Variants in KATNIP observed in about 807,000 individuals in gnomAD.
KATNIP encodes the protein katanin interacting protein.
A neutral mutation model predicts 174.0 loss-of-function variants in KATNIP; 126 were observed. That is an observed-to-expected ratio of 0.72 (90% CI 0.63 to 0.84). The LOEUF (loss-of-function observed/expected upper bound fraction) is 0.84, where lower values mean the gene tolerates loss of function less well. Ranked by LOEUF, KATNIP falls within the 40% of genes least tolerant of loss-of-function variation. The pLI is 0.00. For missense variants in KATNIP, 1,958 were observed against 2,109.7 expected (o/e 0.93, Z 1.41); for synonymous variants, 810 against 835.7 (o/e 0.97, Z 0.53).
At chr16:27,659,049 GAGC>G (rs2142449626) in intron 6 of KATNIP, among the ~76,000 whole-genome samples, 1 of 152,036 alleles carries the variant, frequency 6.6e-6, no homozygotes, top group African/African-American at 2.4e-5. Flanking sequence ...TTACAGGCGT[GAGC>G]CACCATGCCT....
In KATNIP at chr16:27,660,280, G is replaced by A. The variant is rs192201361; in HGVS notation, c.540+11545G>A. ...CAAAATCCGTGGATTGGCCGGCAGT[G>A]GCTCACGCCTGTTATCCCAGCATTT... On this transcript the variant is annotated intron_variant, in intron 6 of 27. Transcript: ENST00000261588. Among the ~76,000 whole-genome samples, 28 of 152,322 alleles carry A rather than the reference G, an allele frequency of 1.8e-4. No homozygotes were observed. In the East Asian group the frequency reaches 5.0e-3, roughly 27 times the overall value.
intron 12 of KATNIP, among the ~76,000 whole-genome samples, chr16:27,706,064 T>A (rs762746438): frequency 1.3e-4 from 20 of 152,092 alleles, no homozygotes; most frequent in Non-Finnish European, 2.6e-4. Context: ...CTCTTCTCAT[T>A]GAAAATGACA....
intron 13 of KATNIP, among the ~76,000 whole-genome samples, chr16:27,712,201 C>A (rs867705340): frequency 6.6e-6 from 1 of 152,150 alleles, no homozygotes; most frequent in African/African-American, 2.4e-5. Context: ...TTTGGCCCTG[C>A]GATTGGGACA....
At chr16:27,639,970 A>G (rs1223506554) in intron 5 of KATNIP, among the ~76,000 whole-genome samples, 2 of 152,194 alleles carry the variant, frequency 1.3e-5, no homozygotes, top group African/African-American at 4.8e-5. Context: ...AGCCATTTGC[A>G]TACTGCACAA....
At chr16:27,550,624 G>A (rs1174525508) in intron 1 of KATNIP, among the ~76,000 whole-genome samples, 1 of 152,142 alleles carries the variant, frequency 6.6e-6, no homozygotes, top group African/African-American at 2.4e-5. Context: ...GTGCCTTGGC[G>A]TTAATAATAA....
At position 27,637,613 on chromosome 16, in the gene KATNIP, T is replaced by G. The variant is rs1463953572; in HGVS notation, c.408+6451T>G. ...GGAAAGATCTGTGGCTGGGGGAGGC[T>G]TTCAGGTGAGGGGACAGTGAGAGCA... On this transcript the variant is annotated intron_variant, in intron 5 of 27. Transcript: ENST00000261588. This position sits in a 1 kb window ranked among gnomAD's most constrained non-coding sequence, Gnocchi z 4.7. 1.3e-5 allele frequency among the ~76,000 whole-genome samples: 2 copies of G among 151,930 alleles called. No individual in the cohort carries two copies. The highest frequency in any genetic ancestry group is 2.9e-5 in the Non-Finnish European group (2 of 67,980).
intron 8 of KATNIP, among the ~76,000 whole-genome samples, chr16:27,685,761 G>A (rs181939234): frequency 6.6e-5 from 10 of 152,306 alleles, no homozygotes. Flanking sequence ...AAAGAGTTCT[G>A]TGGCTAAGAG....
intron 7 of KATNIP, chr16:27,681,069 C>CAGT (rs2078319521): frequency 3.3e-6 from 1 of 300,684 alleles, no homozygotes; most frequent in Admixed American, 4.1e-5. Context: ...TGGGCTCAAG[C>CAGT]AGTTCCCCCA....
chr16:27,761,667 T>A (rs2081960375), intron 19 of KATNIP, 77 bp downstream of exon 19: 11 of 1,309,046 alleles, frequency 8.4e-6, no homozygotes, highest in Non-Finnish European at 9.8e-6. Flanking sequence ...GACTTCAGAT[T>A]CAGACATCAA....
At chr16:27,580,699 ATTTTT>A (rs5816440) in intron 2 of KATNIP, among the ~76,000 whole-genome samples, 1 of 132,334 alleles carries the variant, frequency 7.6e-6, no homozygotes, top group African/African-American at 2.8e-5. Flanking sequence ...TTTCTTCTTG[ATTTTT>A]TTTTTTTTTT....
At chr16:27,687,133 T>C (rs2078552609) in intron 8 of KATNIP, 1 of 152,268 alleles carries the variant, frequency 6.6e-6, no homozygotes. Context: ...TTGCCAGCTC[T>C]GCTCAGCTTC....
Position 27,740,359 on chromosome 16 carries a change from A to C in KATNIP, c.2062A>C (p.Arg688=). 2 of 1,614,174 alleles carry C rather than the reference A, an allele frequency of 1.2e-6. No homozygotes were observed. Among genetic ancestry groups the C allele is most frequent in the Non-Finnish European group, 1.7e-6 (2 of 1,179,984 alleles). The stretch of plus-strand genomic sequence containing the variant: ...CAAAAGAAAGAATTCTACTAATTGC[A>C]GGAAAGACAGTTTGTCCCAGTTAGA... ...SGKRKNSTNC[R]KDSLSQLEEY... Residue 688 remains arginine (R), a synonymous_variant, in exon 15 of 28, where the codon AGG becomes CGG. Transcript: ENST00000261588.
chr16:27,605,954 A>C lies in KATNIP; in HGVS notation c.64-12471A>C, dbSNP rs148967164. Reference sequence around the variant, plus strand: ...AGACTAGCCTGGCCAACATGACAAAACCCTGTCTCTATTAAAAATACAAAA... The same window carrying C: ...AGACTAGCCTGGCCAACATGACAAACCCCTGTCTCTATTAAAAATACAAAA... On this transcript the variant is annotated intron_variant, in intron 2 of 27. Coordinates refer to ENST00000261588, the MANE Select transcript of KATNIP (RefSeq NM_015202.5). Among the ~76,000 whole-genome samples the C allele has an allele frequency of 9.3e-3, 1,418 of 152,092 alleles. 23 individuals are homozygous for C. The highest frequency in any genetic ancestry group is 0.033 in the African/African-American group (1,357 of 41,470).
chr16:27,775,207 G>T (rs976840278), intron 24 of KATNIP, 123 bp downstream of exon 24: 44 of 1,209,522 alleles, frequency 3.6e-5, no homozygotes, highest in Non-Finnish European at 4.6e-5. Context: ...AAGATGCTTG[G>T]GAGCTGTCAG....
rs2078670001 is a variant in KATNIP at position 27,690,308 on chromosome 16, C to T, written c.941-8020C>T. On this transcript the variant is annotated intron_variant, in intron 8 of 27. Transcript: ENST00000261588. ...TCCAGCCCGGGTGACAGAGTGAGAC[C>T]CCATCTCAGATAGATAGATAGATAG... Among the ~76,000 whole-genome samples, 3 of 116,696 alleles carry T rather than the reference C, an allele frequency of 2.6e-5. No homozygotes were observed. In the South Asian group the frequency reaches 9.2e-4, roughly 36 times the overall value. The allele number at this position is 116,696 out of a possible 152,430, so 76.6% of individuals were successfully genotyped here. A position where few individuals can be genotyped will look rare whatever the true frequency, so the allele number is the denominator to read the frequency against.
chr16:27,553,568 G>C (rs2089483035), intron 1 of KATNIP, among the ~76,000 whole-genome samples: 1 of 152,092 alleles, frequency 6.6e-6, no homozygotes, highest in Non-Finnish European at 1.5e-5. Flanking sequence ...TAGTCCCACC[G>C]CTTTGGGAGG....
intron 6 of KATNIP, among the ~76,000 whole-genome samples, chr16:27,649,807 G>T (rs529443767): frequency 6.6e-6 from 1 of 152,358 alleles, no homozygotes; most frequent in Admixed American, 6.5e-5. Context: ...GGGAGAGAAG[G>T]CAGTGTTAGC....
At chr16:27,604,156 T>A (rs1421245686) in intron 2 of KATNIP, among the ~76,000 whole-genome samples, 2 of 151,860 alleles carry the variant, frequency 1.3e-5, no homozygotes, top group Non-Finnish European at 2.9e-5. Flanking sequence ...TGGAGTAGAG[T>A]GGTGCAGTCA....
intron 6 of KATNIP, among the ~76,000 whole-genome samples, chr16:27,671,599 A>T (rs997085283): frequency 1.3e-5 from 2 of 152,208 alleles, no homozygotes; most frequent in African/African-American, 2.4e-5. Context: ...CATGTCTGTC[A>T]TCTCTGCCTC....
Sources: allele counts gnomAD v4.1 joint callset (sites outside exome capture counted in the v4.1 genomes callset), GRCh38; gene constraint gnomAD v4.1.1; non-coding constraint Gnocchi (gnomAD v3.1); transcripts MANE v1.5; gene names NCBI Gene and HGNC (gene_info 2026-07-23, HGNC 2026-07-21).